Variants in HECW1 observed in about 807,000 individuals in gnomAD.
HECW1 encodes HECT, C2 and WW domain containing E3 ubiquitin protein ligase 1.
A neutral mutation model predicts 182.3 loss-of-function variants in HECW1; 61 were observed. That is an observed-to-expected ratio of 0.33 (90% CI 0.27 to 0.41). HECW1 has a LOEUF of 0.41. Ranked by LOEUF, HECW1 falls within the 10% of genes least tolerant of loss-of-function variation. The probability of loss-of-function intolerance (pLI) is 1.00; values close to 1 mark genes in which losing one functional copy is unlikely to be tolerated. For synonymous variants in HECW1, 859 were observed against 832.6 expected, an observed-to-expected ratio of 1.03 and a Z score of -0.55; for missense variants, 1,739 against 2,108.9, an observed-to-expected ratio of 0.82 and a Z score of 3.44.
chr7:43,225,167 G>C (rs533170304), intron 2 of HECW1, among the ~76,000 whole-genome samples: 9 of 152,348 alleles, frequency 5.9e-5, no homozygotes, highest in African/African-American at 1.9e-4. Flanking sequence ...CCAGCTATCA[G>C]ATGGTGGCTG....
At chr7:43,401,566 G>GGTTTTT (rs1321185689) in intron 7 of HECW1, among the ~76,000 whole-genome samples, 3 of 70,656 alleles carry the variant, frequency 4.2e-5, no homozygotes, top group African/African-American at 6.2e-5. Context: ...CATTTAAAAA[G>GGTTTTT]GTTTTTTTTT....
chr7:43,414,846 G>A (rs187939368), intron 8 of HECW1, among the ~76,000 whole-genome samples: 2 of 152,026 alleles, frequency 1.3e-5, no homozygotes, highest in African/African-American at 4.8e-5. Flanking sequence ...TCTGCTGCTG[G>A]ATTCGGTTTA....
chr7:43,466,657 T>G, intron 15 of HECW1, 89 bp downstream of exon 15: 1 of 1,407,688 alleles, frequency 7.1e-7, no homozygotes, highest in Non-Finnish European at 9.6e-7. Context: ...TCTAAAAGGG[T>G]AGAATTTTAA....
At chr7:43,314,013 C>T (rs369972320) in intron 4 of HECW1, among the ~76,000 whole-genome samples, 1 of 152,214 alleles carries the variant, frequency 6.6e-6, no homozygotes, top group African/African-American at 2.4e-5. Flanking sequence ...GAAATGGAGT[C>T]TCACTATATT....
chr7:43,444,640 G>A lies in HECW1; in HGVS notation c.1468G>A (p.Glu490Lys), dbSNP rs1244116854. The change falls in exon 11 of 30, where the codon GAA (glutamate) becomes AAA (lysine). Residue 490 changes from glutamate to lysine, a missense_variant. By Grantham distance (56) the Glu-to-Lys change is moderately conservative. Coordinates refer to ENST00000395891, the MANE Select transcript of HECW1 (RefSeq NM_015052.5). The surrounding 1 kb of genome is among the most constrained non-coding windows in gnomAD (Gnocchi z 4.3). ...CACCAAGGAGGAGCCCTTGGAGGAG[G>A]AAGCAACGACCCAGAGCCGGGCTGG... ...ASTKEEPLEE[E>K]ATTQSRAGRE... is the part of the protein sequence containing the mutation. 6.2e-7 allele frequency: 1 copy of A among 1,608,634 alleles called. No individual in the cohort carries two copies. Among genetic ancestry groups the A allele is most frequent in the Non-Finnish European group, 8.5e-7 (1 of 1,177,570 alleles).
intron 3 of HECW1, among the ~76,000 whole-genome samples, chr7:43,289,203 T>C (rs1366015192): frequency 6.6e-6 from 1 of 151,806 alleles, no homozygotes; most frequent in East Asian, 1.9e-4. Flanking sequence ...GACTCCCTGG[T>C]TCAAGTGATT....
At chr7:43,456,668 C>G (rs192687926) in intron 13 of HECW1, among the ~76,000 whole-genome samples, 260 of 152,248 alleles carry the variant, frequency 1.7e-3, no homozygotes, top group African/African-American at 5.7e-3. Context: ...GATGGGAAAT[C>G]GTCTAAACTT....
At chr7:43,153,769 A>G (rs1789596230) in intron 2 of HECW1, among the ~76,000 whole-genome samples, 1 of 152,196 alleles carries the variant, frequency 6.6e-6, no homozygotes, top group South Asian at 2.1e-4. Context: ...TGTATAGTAA[A>G]CATGGAGACA....
intron 16 of HECW1, among the ~76,000 whole-genome samples, chr7:43,474,618 TAC>T (rs2078152181): frequency 6.6e-6 from 1 of 152,046 alleles, no homozygotes; most frequent in Admixed American, 6.5e-5. Context: ...ATGAAAGACA[TAC>T]AGTCGTAGTA....
chr7:43,538,571 C>T (rs1467543061), intron 24 of HECW1, among the ~76,000 whole-genome samples: 2 of 152,314 alleles, frequency 1.3e-5, no homozygotes, highest in East Asian at 1.9e-4. Flanking sequence ...ACCTCTCCAT[C>T]GCTCACATCT....
At chr7:43,556,991 C>T (rs73329850) in intron 29 of HECW1, among the ~76,000 whole-genome samples, 52 of 152,100 alleles carry the variant, frequency 3.4e-4, no homozygotes, top group African/African-American at 1.2e-3. Flanking sequence ...CTTCTTGGGA[C>T]AAGAAGCAAA....
intron 3 of HECW1, among the ~76,000 whole-genome samples, chr7:43,288,631 T>C (rs547718483): frequency 9.2e-5 from 14 of 152,296 alleles, no homozygotes; most frequent in Non-Finnish European, 1.9e-4. Flanking sequence ...GGAGCCTTTA[T>C]TTGACTCCCA....
At chr7:43,319,496 C>G (rs1394059224) in intron 4 of HECW1, among the ~76,000 whole-genome samples, 2 of 150,406 alleles carry the variant, frequency 1.3e-5, no homozygotes, top group African/African-American at 4.9e-5. Flanking sequence ...TCCCAGGCCT[C>G]GTCTCCTCCC....
intron 5 of HECW1, among the ~76,000 whole-genome samples, chr7:43,352,629 C>T (rs1814609197): frequency 6.6e-6 from 1 of 152,084 alleles, no homozygotes; most frequent in Admixed American, 6.6e-5. Flanking sequence ...TAATTTTGAC[C>T]TCATTTTCCT....
chr7:43,244,564 C>T (rs986905136), intron 3 of HECW1, among the ~76,000 whole-genome samples: 3 of 152,208 alleles, frequency 2.0e-5, no homozygotes, highest in Non-Finnish European at 2.9e-5. Flanking sequence ...CGAATGAGCT[C>T]CCCATGAGCT....
intron 8 of HECW1, among the ~76,000 whole-genome samples, chr7:43,420,481 G>A (rs2076143905): frequency 6.6e-6 from 1 of 152,088 alleles, no homozygotes; most frequent in South Asian, 2.1e-4. Context: ...GTGCAACAAG[G>A]TAAAAAAATA....
intron 2 of HECW1, among the ~76,000 whole-genome samples, chr7:43,123,115 T>G (rs1051621203): frequency 6.6e-6 from 1 of 152,194 alleles, no homozygotes; most frequent in Non-Finnish European, 1.5e-5. Flanking sequence ...TAAGGGTGAT[T>G]ATTTTATTTT....
chr7:43,137,568 G>A (rs188144981), intron 2 of HECW1, among the ~76,000 whole-genome samples: 93 of 72,070 alleles, frequency 1.3e-3, no homozygotes, highest in African/African-American at 4.4e-3. Context: ...TTATTTATTT[G>A]AGACAGGGTC....
In HECW1 at chr7:43,195,895, T is replaced by C. The variant is rs1794419578; in HGVS notation, c.-31-47980T>C. Reference sequence around the variant, plus strand: ...GTGCCACCCATTTTTACACCAAATATAGGTATTCCCAGAACTGTCACGGGG... The same window carrying C: ...GTGCCACCCATTTTTACACCAAATACAGGTATTCCCAGAACTGTCACGGGG... On this transcript the variant is annotated intron_variant, in intron 2 of 29. Coordinates refer to ENST00000395891, the MANE Select transcript of HECW1 (RefSeq NM_015052.5). 3.9e-5 allele frequency among the ~76,000 whole-genome samples: 6 copies of C among 152,086 alleles called. No individual in the cohort carries two copies. In the South Asian group the frequency reaches 1.0e-3, roughly 26 times the overall value.
Sources: allele counts gnomAD v4.1 joint callset (sites outside exome capture counted in the v4.1 genomes callset), GRCh38; gene constraint gnomAD v4.1.1; non-coding constraint Gnocchi (gnomAD v3.1); transcripts MANE v1.5; gene names NCBI Gene and HGNC (gene_info 2026-07-23, HGNC 2026-07-21).